Variants in GPAM observed in about 807,000 individuals in gnomAD.
GPAM encodes the protein glycerol-3-phosphate acyltransferase 1, mitochondrial.
GPAM carries 56 observed loss-of-function variants against 105.0 expected under a neutral mutation model. The ratio of observed to expected loss-of-function variants is 0.53; its 90% CI spans 0.43 to 0.67. The LOEUF is 0.67. Among genes scored for constraint, GPAM ranks in the 30% least tolerant of loss-of-function variants. The pLI is 0.00. For missense variants in GPAM, 855 were observed against 989.8 expected, an observed-to-expected ratio of 0.86 and a Z score of 1.83; for synonymous variants, 368 against 354.4, an observed-to-expected ratio of 1.04 and a Z score of -0.43.
intron 19 of GPAM, chr10:112,157,039 C>T: frequency 1.6e-6 from 1 of 622,054 alleles, no homozygotes; most frequent in Non-Finnish European, 2.9e-6. Flanking sequence ...CATTCATCTT[C>T]CTGACTTTTC....
chr10:112,167,413 T>C (rs1054543722), intron 11 of GPAM, among the ~76,000 whole-genome samples: 2 of 152,166 alleles, frequency 1.3e-5, no homozygotes, highest in Admixed American at 1.3e-4. Flanking sequence ...CCTAGGCACA[T>C]ACCCAACAAA....
chr10:112,172,685 A>T (rs912886953), intron 8 of GPAM, among the ~76,000 whole-genome samples: 2 of 152,168 alleles, frequency 1.3e-5, no homozygotes, highest in Non-Finnish European at 2.9e-5. Context: ...CTATTTATCT[A>T]TCTGTGTCTC....
rs1846940925 is a variant in GPAM at position 112,152,684 on chromosome 10, AC to A, written c.*865del. Reference sequence around the variant, plus strand: ...TGGAGGATTTCCAAGAAACAGCTGTACCTGTGAGAGGCAGGTATTACCTGAG... The same window carrying A: ...TGGAGGATTTCCAAGAAACAGCTGTACTGTGAGAGGCAGGTATTACCTGAG... On this transcript the variant is annotated 3_prime_UTR_variant, in exon 22 of 22. Coordinates refer to ENST00000348367, the MANE Select transcript of GPAM (RefSeq NM_001244949.2). The A allele has an allele frequency of 1.0e-6, 1 of 985,376 alleles. No individual in the cohort carries two copies. Among genetic ancestry groups the A allele is most frequent in the Non-Finnish European group, 1.2e-6 (1 of 829,838 alleles). 61.0% of individuals were successfully genotyped at this position (985,376 alleles called of 1,614,324 possible).
the GPAM span, among the ~76,000 whole-genome samples, chr10:112,226,700 A>C: frequency 6.6e-6 from 1 of 152,216 alleles, no homozygotes; most frequent in African/African-American, 2.4e-5. Context: ...GTGATGCATC[A>C]AGCGACTGAG....
In GPAM at chr10:112,172,276, T is replaced by C. The variant is rs774822353; in HGVS notation, c.700A>G (p.Ile234Val). 9 of 1,611,596 alleles carry C rather than the reference T, an allele frequency of 5.6e-6. 1 individual carries two copies. In the South Asian group the frequency reaches 9.9e-5, roughly 18 times the overall value. Residue 234 changes from isoleucine to valine, a missense_variant, in exon 9 of 22, where the codon ATT (isoleucine) becomes GTT (valine). By Grantham distance (29) the Ile-to-Val change is conservative (BLOSUM62 3). Coordinates refer to ENST00000348367, the MANE Select transcript of GPAM (RefSeq NM_001244949.2). ...ATGAAAGTGAGCAGCAGATAGTCAATATGGGATCTATGAACTGGTAGAAAC... is the reference window on the plus strand; with the variant it reads ...ATGAAAGTGAGCAGCAGATAGTCAACATGGGATCTATGAACTGGTAGAAAC... ...LLFLPVHRSH[I>V]DYLLLTFILF...
rs761395874 is a variant in GPAM, at chr10:112,163,744, T to C, written c.1380A>G (p.Leu460=). The part of the protein sequence containing the change: ...NESRNATDES[L]RRRLIANLAE... ...CCAGATTTGCAATCAACCTCCTTCG[T>C]AGGGATTCATCTGTTGCATTTCTGG... Residue 460 remains leucine, a synonymous_variant, in exon 14 of 22, where the codon CTA becomes CTG. Coordinates refer to ENST00000348367, the MANE Select transcript of GPAM (RefSeq NM_001244949.2). The C allele has an allele frequency of 2.5e-5, 40 of 1,600,566 alleles. No individual in the cohort carries two copies. Among genetic ancestry groups the C allele is most frequent in the African/African-American group, 1.3e-5 (1 of 74,662 alleles).
intron 7 of GPAM, 130 bp downstream of exon 7, chr10:112,173,569 T>C (rs1306322811): frequency 8.5e-6 from 8 of 939,266 alleles, no homozygotes; most frequent in Admixed American, 7.3e-5. Context: ...AAGAGTTTAA[T>C]TTAATATCAG....
chr10:112,149,940 T>A lies in GPAM; in HGVS notation c.*3610A>T. ...TGCAATACACTAACAAGCATAAAAATCAATCAGCATTTCCAAGTATGTTTT... is the reference window on the plus strand; with the variant it reads ...TGCAATACACTAACAAGCATAAAAAACAATCAGCATTTCCAAGTATGTTTT... On this transcript the variant is annotated 3_prime_UTR_variant, in exon 22 of 22. Coordinates refer to ENST00000348367, the MANE Select transcript of GPAM (RefSeq NM_001244949.2). 9.1e-6 allele frequency: 9 copies of A among 985,786 alleles called. No homozygotes were observed. In the South Asian group the frequency reaches 3.8e-4, roughly 41 times the overall value. 61.1% of individuals were successfully genotyped at this position (985,786 alleles called of 1,614,324 possible). A position where few individuals can be genotyped will look rare whatever the true frequency, so the allele number is the denominator to read the frequency against.
In GPAM at chr10:112,152,252, T is replaced by A; in HGVS notation, c.*1298A>T. On this transcript the variant is annotated 3_prime_UTR_variant, in exon 22 of 22. Coordinates refer to ENST00000348367, the MANE Select transcript of GPAM (RefSeq NM_001244949.2). Reference sequence around the variant, plus strand: ...TGTTAGAAAACGTTTTAACATTACATGATATTTAAAAAATCACCATAATTA... The same window carrying A: ...TGTTAGAAAACGTTTTAACATTACAAGATATTTAAAAAATCACCATAATTA... 1.0e-6 allele frequency: 1 copy of A among 977,842 alleles called. No individual in the cohort carries two copies. Among genetic ancestry groups the A allele is most frequent in the Non-Finnish European group, 1.2e-6 (1 of 823,238 alleles). The allele number at this position is 977,842 out of a possible 1,614,324, so 60.6% of individuals were successfully genotyped here.
At chr10:112,153,704 T>A (rs1347617448) in intron 21 of GPAM, 38 bp from the exon 22 acceptor site, 2 of 1,597,864 alleles carry the variant, frequency 1.3e-6, no homozygotes, top group Non-Finnish European at 1.7e-6. Context: ...AGGCAAAAAA[T>A]AAAAAATAAA....
Position 112,158,358 on chromosome 10 carries a change from T to C in GPAM, c.1938A>G (p.Thr646=). ...TGCCATACTGGATAAACTTTCCTACTGTTTCATGGCAGACTTGGTAAAATG... is the reference window on the plus strand; with the variant it reads ...TGCCATACTGGATAAACTTTCCTACCGTTTCATGGCAGACTTGGTAAAATG... ...CQTFYQVCHE[T]VGKFIQYGIL... The change falls in exon 18 of 22, where the codon ACA becomes ACG. Residue 646 remains threonine, a synonymous_variant. Coordinates refer to ENST00000348367, the MANE Select transcript of GPAM (RefSeq NM_001244949.2). The C allele has an allele frequency of 6.2e-7, 1 of 1,606,422 alleles. No homozygotes were observed. Among genetic ancestry groups the C allele is most frequent in the Non-Finnish European group, 8.5e-7 (1 of 1,172,852 alleles).
chr10:112,163,836 T>C lies in GPAM; in HGVS notation c.1308-20A>G. On this transcript the variant is annotated intron_variant, in intron 13 of 21. Coordinates refer to ENST00000348367, the MANE Select transcript of GPAM (RefSeq NM_001244949.2). ...CTGGGTCTAAAAAGTGTTTCAAAAA[T>C]CAACACACAACCGCACTCTTTTACA... The C allele has an allele frequency of 2.5e-6, 3 of 1,192,380 alleles. No individual in the cohort carries two copies. The highest frequency in any genetic ancestry group is 3.8e-6 in the Non-Finnish European group (3 of 794,924). The allele number at this position is 1,192,380 out of a possible 1,614,324, so 73.9% of individuals were successfully genotyped here.
intron 5 of GPAM, among the ~76,000 whole-genome samples, 178 bp downstream of exon 5, chr10:112,177,806 G>GATT (rs1443758940): frequency 6.6e-6 from 1 of 152,144 alleles, no homozygotes; most frequent in East Asian, 1.9e-4. Flanking sequence ...AGTGGTAACA[G>GATT]TAATAGTTCT....
intron 1 of GPAM, among the ~76,000 whole-genome samples, chr10:112,203,108 G>A (rs1327214071): frequency 6.6e-6 from 1 of 152,144 alleles, no homozygotes; most frequent in African/African-American, 2.4e-5. Flanking sequence ...CTGTGGTAGG[G>A]GGAGCAGAGG....
intron 1 of GPAM, among the ~76,000 whole-genome samples, chr10:112,200,836 C>A (rs1847789233): frequency 6.6e-6 from 1 of 152,190 alleles, no homozygotes; most frequent in African/African-American, 2.4e-5. Flanking sequence ...ACTCTGGAGG[C>A]AGTTTGAGCA....
chr10:112,198,156 G>A (rs922575333), intron 1 of GPAM, among the ~76,000 whole-genome samples: 2 of 152,198 alleles, frequency 1.3e-5, no homozygotes, highest in Non-Finnish European at 2.9e-5. Context: ...AAGGCACTGA[G>A]ACAACACCTG....
intron 1 of GPAM, among the ~76,000 whole-genome samples, chr10:112,208,837 G>C (rs1170004738): frequency 1.3e-5 from 2 of 152,086 alleles, no homozygotes; most frequent in Non-Finnish European, 2.9e-5. Flanking sequence ...AGGAAGGATA[G>C]ACTCTCAAAA....
intron 9 of GPAM, among the ~76,000 whole-genome samples, chr10:112,170,911 A>G (rs566291236): frequency 6.6e-6 from 1 of 152,202 alleles, no homozygotes; most frequent in Non-Finnish European, 1.5e-5. Flanking sequence ...GGTTAGCTAC[A>G]GAACTCTGAA....
intron 20 of GPAM, 78 bp downstream of exon 20, chr10:112,155,786 A>G: frequency 1.6e-5 from 15 of 910,186 alleles, no homozygotes; most frequent in Non-Finnish European, 2.4e-5. Flanking sequence ...CATTTTTCCA[A>G]TTTTCTACAA....
Sources: allele counts gnomAD v4.1 joint callset (sites outside exome capture counted in the v4.1 genomes callset), GRCh38; gene constraint gnomAD v4.1.1; transcripts MANE v1.5; gene names NCBI Gene and HGNC (gene_info 2026-07-23, HGNC 2026-07-21).